The following CCDC33 variants were observed in gnomAD, a reference collection of about 807,000 sequenced individuals.
CCDC33 encodes coiled-coil domain-containing protein 33.
Under a neutral mutation model 91.9 loss-of-function variants are expected in CCDC33, and 94 were observed. The ratio of observed to expected loss-of-function variants is 1.02; its 90% CI spans 0.87 to 1.21. CCDC33 has a LOEUF of 1.21. Ranked by LOEUF, CCDC33 falls within the 50% of genes most tolerant of loss-of-function variation. The pLI is 0.00. For synonymous variants in CCDC33, 396 were observed against 374.5 expected (o/e 1.06, Z -0.66); for missense variants, 940 against 935.5 (o/e 1.00, Z -0.06).
rs1464538932 is a variant in CCDC33 at position 74,267,689 on chromosome 15, G to A, written c.430-653G>A. ...CAGACTGTCGGGGGTCCTAGACCAA[G>A]TTTGTTGCCTCCTAGCTGGATACCC... On this transcript the variant is annotated intron_variant, in intron 4 of 18. Coordinates refer to ENST00000398814, the MANE Select transcript of CCDC33 (RefSeq NM_025055.5). 4.0e-5 allele frequency among the ~76,000 whole-genome samples: 6 copies of A among 150,998 alleles called. No individual in the cohort carries two copies. In the East Asian group the frequency reaches 1.2e-3, roughly 29 times the overall value.
intron 11 of CCDC33, chr15:74,302,447 A>G (rs956953340): frequency 1.3e-5 from 2 of 152,202 alleles, no homozygotes; most frequent in Non-Finnish European, 2.9e-5. Flanking sequence ...ACGCTGGGTG[A>G]CCATGTGCCT....
At chr15:74,274,709 C>T (rs1263157166) in intron 7 of CCDC33, among the ~76,000 whole-genome samples, 1 of 152,256 alleles carries the variant, frequency 6.6e-6, no homozygotes, top group East Asian at 1.9e-4. Context: ...GAGGCACTGC[C>T]TGCTTTAATG....
At chr15:74,286,211 A>G (rs2059470793) in intron 10 of CCDC33, among the ~76,000 whole-genome samples, 1 of 152,134 alleles carries the variant, frequency 6.6e-6, no homozygotes, top group African/African-American at 2.4e-5. Context: ...ATGCCACTGC[A>G]CTCCAGCCTG....
At chr15:74,262,853 G>A (rs1168648038) in intron 3 of CCDC33, among the ~76,000 whole-genome samples, 10 of 152,024 alleles carry the variant, frequency 6.6e-5, no homozygotes, top group South Asian at 6.2e-4. Context: ...TATTAGCGCT[G>A]TCTCCTACTG....
At chr15:74,298,806 G>A (rs1029939550) in intron 11 of CCDC33, among the ~76,000 whole-genome samples, 2 of 143,308 alleles carry the variant, frequency 1.4e-5, no homozygotes, top group African/African-American at 2.5e-5. Flanking sequence ...TCCGCCTCCC[G>A]GGTTCAAGCG....
rs767180906 is a variant in CCDC33 at position 74,243,368 on chromosome 15, G to A, written c.22-617G>A. 2.0e-5 allele frequency among the ~76,000 whole-genome samples: 3 copies of A among 152,360 alleles called. No homozygotes were observed. In the East Asian group the frequency reaches 5.8e-4, roughly 29 times the overall value. ...GTGGCCCATTGTTAGGACTGCAAAAGCAGGTGGGATTTAGGAATTACAGAC... is the reference window on the plus strand; with the variant it reads ...GTGGCCCATTGTTAGGACTGCAAAAACAGGTGGGATTTAGGAATTACAGAC... On this transcript the variant is annotated intron_variant, in intron 1 of 18. Coordinates refer to ENST00000398814, the MANE Select transcript of CCDC33 (RefSeq NM_025055.5).
At chr15:74,220,972 G>T (rs566821122) in intron 2 of CCDC33, among the ~76,000 whole-genome samples, 2 of 152,198 alleles carry the variant, frequency 1.3e-5, no homozygotes, top group African/African-American at 2.4e-5. Flanking sequence ...AAGGACAGCA[G>T]CAAGAGTGGG....
intron 5 of CCDC33, among the ~76,000 whole-genome samples, chr15:74,270,690 C>T (rs149991522): frequency 1.4e-3 from 211 of 152,018 alleles, no homozygotes; most frequent in African/African-American, 4.9e-3. Context: ...GGTCAGGGTC[C>T]GGGAGATCAG....
Position 74,280,101 on chromosome 15 carries a change from C to T in CCDC33, c.889+9C>T. ...CTACTCCTCAACTTCAAGTACGTGACCCCTGGTGCCTCGCCAGGGCAGCCA... is the reference window on the plus strand; with the variant it reads ...CTACTCCTCAACTTCAAGTACGTGATCCCTGGTGCCTCGCCAGGGCAGCCA... On this transcript the variant is annotated intron_variant, in intron 8 of 18. Transcript: ENST00000398814. 1 of 1,613,752 alleles carries T rather than the reference C, an allele frequency of 6.2e-7. No individual in the cohort carries two copies. The highest frequency in any genetic ancestry group is 8.5e-7 in the Non-Finnish European group (1 of 1,179,828).
rs750550627 is a variant in CCDC33, at chr15:74,332,837, G to A, written c.1930G>A (p.Ala644Thr). The change falls in exon 16 of 19, where the codon GCC becomes ACC. Residue 644 changes from alanine (A) to threonine (T), a missense_variant. Ala to Thr is a moderately conservative substitution (Grantham distance 58, BLOSUM62 0). Coordinates refer to ENST00000398814, the MANE Select transcript of CCDC33 (RefSeq NM_025055.5). The part of the protein sequence containing the change: ...QQAPIILQQQ[A>T]LPDLLSGTSD... ...GGCCCCCATCATTCTGCAGCAACAG[G>A]CCCTGCCGGTAAGAGGCCCTTGACC... 1 of 1,613,622 alleles carries A rather than the reference G, an allele frequency of 6.2e-7. No individual in the cohort carries two copies. Among genetic ancestry groups the A allele is most frequent in the Non-Finnish European group, 8.5e-7 (1 of 1,179,822 alleles).
chr15:74,244,137 C>A lies in CCDC33; in HGVS notation c.174C>A (p.Pro58=). ...GCAAGGATGGCTCCGAGCCGTGGCC[C>A]TATGTGGTGGTGTAAGTAGCTGCGT... is the stretch of plus-strand genomic sequence containing the variant. ...PACKDGSEPW[P]YVVVKSTSEE... The change falls in exon 2 of 19, where the codon CCC becomes CCA. Residue 58 remains proline, a synonymous_variant. Coordinates refer to ENST00000398814, the MANE Select transcript of CCDC33 (RefSeq NM_025055.5). The surrounding 1 kb of genome is among the most constrained non-coding windows in gnomAD (Gnocchi z 4.2). 6.2e-7 allele frequency: 1 copy of A among 1,611,988 alleles called. No homozygotes were observed. The highest frequency in any genetic ancestry group is 8.5e-7 in the Non-Finnish European group (1 of 1,178,780).
chr15:74,272,640 C>T, intron 6 of CCDC33, 131 bp from the exon 7 acceptor site: 1 of 1,220,926 alleles, frequency 8.2e-7, no homozygotes, highest in South Asian at 1.6e-5. Context: ...TCGTGAGGTC[C>T]AGGCCCGAAC....
chr15:74,304,950 T>TTC (rs937166833), intron 11 of CCDC33, among the ~76,000 whole-genome samples: 3 of 43,330 alleles, frequency 6.9e-5, no homozygotes, highest in Non-Finnish European at 3.4e-4. Flanking sequence ...CTTCTTCTTC[T>TTC]TTTTTTTTTT....
Position 74,271,811 on chromosome 15 carries a change from T to G in CCDC33, c.638+17T>G. On this transcript the variant is annotated intron_variant, in intron 6 of 18. Coordinates refer to ENST00000398814, the MANE Select transcript of CCDC33 (RefSeq NM_025055.5). ...GGAATTTAAGTGAGTGGGGCCCAGG[T>G]GGACCTGGGTGAGGAGGGCAGAGCA... is the stretch of plus-strand genomic sequence containing the variant. The G allele has an allele frequency of 6.2e-7, 1 of 1,606,010 alleles. No individual in the cohort carries two copies. The highest frequency in any genetic ancestry group is 8.5e-7 in the Non-Finnish European group (1 of 1,173,162).
intron 1 of CCDC33, chr15:74,208,074 G>T (rs192575050): frequency 1.6e-6 from 2 of 1,239,728 alleles, no homozygotes; most frequent in Admixed American, 3.5e-5. Flanking sequence ...AGACCAGGCT[G>T]TTCTGGTATG....
At position 74,309,758 on chromosome 15, in the gene CCDC33, C is replaced by T. The variant is rs535486855; in HGVS notation, c.1290+13810C>T. 2.5e-4 allele frequency among the ~76,000 whole-genome samples: 38 copies of T among 152,310 alleles called. No homozygotes were observed. In the East Asian group the frequency reaches 6.9e-3, roughly 28 times the overall value. On this transcript the variant is annotated intron_variant, in intron 11 of 18. Transcript: ENST00000398814. Reference sequence around the variant, plus strand: ...CTTCAGGGAATCTATTTATCCACTACAAATGGATCTGTGCCCCACCCGTTC... The same window carrying T: ...CTTCAGGGAATCTATTTATCCACTATAAATGGATCTGTGCCCCACCCGTTC...
chr15:74,297,623 G>A (rs529462226), intron 11 of CCDC33, among the ~76,000 whole-genome samples: 1 of 152,318 alleles, frequency 6.6e-6, no homozygotes, highest in South Asian at 2.1e-4. Context: ...GAGCCTGGGA[G>A]GTCAAGGTTG....
At chr15:74,328,368 C>A (rs1329244123) in intron 11 of CCDC33, among the ~76,000 whole-genome samples, 1 of 152,204 alleles carries the variant, frequency 6.6e-6, no homozygotes, top group African/African-American at 2.4e-5. Flanking sequence ...CGCACCAACT[C>A]TTGAGCCTCA....
intron 2 of CCDC33, among the ~76,000 whole-genome samples, chr15:74,219,363 T>A (rs2074529406): frequency 6.6e-6 from 1 of 152,224 alleles, no homozygotes; most frequent in Admixed American, 6.5e-5. Flanking sequence ...GCATGTCTAG[T>A]AGGCCTCACG....
Sources: allele counts gnomAD v4.1 joint callset (sites outside exome capture counted in the v4.1 genomes callset), GRCh38; gene constraint gnomAD v4.1.1; non-coding constraint Gnocchi (gnomAD v3.1); transcripts MANE v1.5; gene names NCBI Gene and HGNC (gene_info 2026-07-23, HGNC 2026-07-21).